AGBL1: variants seen among roughly 807,000 people sequenced by gnomAD.
AGBL1 encodes AGBL carboxypeptidase 1.
AGBL1 carries 130 observed loss-of-function variants against 118.9 expected under a neutral mutation model. The ratio of observed to expected loss-of-function variants is 1.09; its 90% CI spans 0.95 to 1.26. AGBL1 has a LOEUF of 1.26. Ranked by LOEUF, AGBL1 falls within the 50% of genes most tolerant of loss-of-function variation. The pLI is 0.00. For synonymous variants in AGBL1, 555 were observed against 478.9 expected (o/e 1.16, Z -2.08); for missense variants, 1,584 against 1,298.1 (o/e 1.22, Z -3.38).
At chr15:86,789,750 AG>A (rs1331539609) in intron 22 of AGBL1, among the ~76,000 whole-genome samples, 5 of 152,162 alleles carry the variant, frequency 3.3e-5, no homozygotes, top group Non-Finnish European at 7.4e-5. Flanking sequence ...TTGAAAGAGT[AG>A]GGGAATGTTC....
intron 22 of AGBL1, among the ~76,000 whole-genome samples, chr15:86,893,058 C>T (rs2080073186): frequency 6.6e-6 from 1 of 152,196 alleles, no homozygotes; most frequent in Non-Finnish European, 1.5e-5. Flanking sequence ...CTGCTAAATA[C>T]TGCCTCGGGG....
At chr15:86,394,887 C>T (rs528234443) in intron 17 of AGBL1, among the ~76,000 whole-genome samples, 1 of 152,152 alleles carries the variant, frequency 6.6e-6, no homozygotes, top group African/African-American at 2.4e-5. Flanking sequence ...CACATGGCCA[C>T]TCCTACCTAC....
At chr15:86,976,569 C>A (rs2081178387) in intron 23 of AGBL1, among the ~76,000 whole-genome samples, 1 of 151,924 alleles carries the variant, frequency 6.6e-6, no homozygotes, top group African/African-American at 2.4e-5. Context: ...CTAAATGTGG[C>A]ATTACTGAGT....
chr15:86,242,338 A>G (rs1337688303), intron 6 of AGBL1, among the ~76,000 whole-genome samples: 1 of 152,194 alleles, frequency 6.6e-6, no homozygotes, highest in East Asian at 1.9e-4. Flanking sequence ...TATTGTACCT[A>G]TTATGTACCA....
intron 6 of AGBL1, among the ~76,000 whole-genome samples, chr15:86,246,899 C>T (rs1294460204): frequency 7.6e-6 from 1 of 130,898 alleles, no homozygotes; most frequent in African/African-American, 2.8e-5. Context: ...AAATGACAAC[C>T]TCCGGGTCCA....
chr15:86,676,063 AT>A (rs1489806688), intron 22 of AGBL1, among the ~76,000 whole-genome samples: 2 of 152,024 alleles, frequency 1.3e-5, no homozygotes, highest in East Asian at 3.9e-4. Flanking sequence ...ACAATTATTC[AT>A]TTTTCAATTG....
intron 21 of AGBL1, among the ~76,000 whole-genome samples, chr15:86,614,140 C>T (rs1417246648): frequency 6.6e-6 from 1 of 152,218 alleles, no homozygotes; most frequent in Non-Finnish European, 1.5e-5. Context: ...CTATTACACT[C>T]TGCCAGGCAC....
At chr15:86,920,278 C>T (rs543898076), downstream of AGBL1, among the ~76,000 whole-genome samples, 25 of 152,314 alleles carry the variant, frequency 1.6e-4, no homozygotes, top group Non-Finnish European at 2.2e-4. Flanking sequence ...TCCTACAGTC[C>T]GCCTCCATTC....
intron 16 of AGBL1, among the ~76,000 whole-genome samples, chr15:86,289,686 C>T (rs561255742): frequency 3.9e-5 from 6 of 152,282 alleles, no homozygotes; most frequent in African/African-American, 1.4e-4. Flanking sequence ...TTGCATGCCT[C>T]TTACCTCCTT....
At chr15:86,306,181 T>A (rs539387676) in intron 17 of AGBL1, among the ~76,000 whole-genome samples, 1 of 152,236 alleles carries the variant, frequency 6.6e-6, no homozygotes, top group East Asian at 1.9e-4. Flanking sequence ...GTTACATTAT[T>A]TAAGTTATTT....
In AGBL1 at chr15:86,906,100, A is replaced by G. The variant is rs2347459; in HGVS notation, c.3159-987A>G. ...TGCTGATTACCCATTTTCATTGTTT[A>G]TGGCAAGGCAGGTGGATGAACAGCT... is the stretch of plus-strand genomic sequence containing the variant. On this transcript the variant is annotated intron_variant, in intron 22 of 22. Coordinates refer to ENST00000614907, the MANE Select transcript of AGBL1 (RefSeq NM_001386094.1). Among the ~76,000 whole-genome samples, 5 of 152,302 alleles carry G rather than the reference A, an allele frequency of 3.3e-5. No individual in the cohort carries two copies. In the East Asian group the frequency reaches 9.6e-4, roughly 29 times the overall value.
intron 22 of AGBL1, among the ~76,000 whole-genome samples, chr15:86,862,195 G>A (rs543460599): frequency 4.6e-5 from 7 of 152,266 alleles, no homozygotes; most frequent in Admixed American, 1.3e-4. Context: ...CTTGAGGAAT[G>A]TTACTTATAG....
chr15:86,599,097 G>A (rs948277933), intron 21 of AGBL1, among the ~76,000 whole-genome samples: 2 of 151,990 alleles, frequency 1.3e-5, no homozygotes, highest in East Asian at 1.9e-4. Context: ...TAATCCTGTC[G>A]GGAGAATAGT....
intron 21 of AGBL1, among the ~76,000 whole-genome samples, chr15:86,589,988 A>C (rs112942642): frequency 0.026 from 3,970 of 152,260 alleles, 176 homozygotes; most frequent in African/African-American, 0.091. Context: ...TTTTGCCCTC[A>C]GAGGGTTTGT....
rs191264481 is a variant in AGBL1, at chr15:86,393,292, C to T, written c.2375-4074C>T. ...ATTTGGCTTATTGATTAATGTACTG[C>T]GTTGTACTAGGTATATCAGGCAATG... On this transcript the variant is annotated intron_variant, in intron 17 of 22. Transcript: ENST00000614907. Among the ~76,000 whole-genome samples, 69 of 152,224 alleles carry T rather than the reference C, an allele frequency of 4.5e-4. No homozygotes were observed. In the Middle Eastern group the frequency reaches 0.01, roughly 23 times the overall value.
chr15:86,362,150 T>G (rs537720502), intron 17 of AGBL1, among the ~76,000 whole-genome samples: 1 of 152,176 alleles, frequency 6.6e-6, no homozygotes, highest in Admixed American at 6.5e-5. Flanking sequence ...TATAACACTA[T>G]TTTTAGCTGC....
At chr15:86,868,421 C>A (rs926351908) in intron 22 of AGBL1, among the ~76,000 whole-genome samples, 2 of 152,314 alleles carry the variant, frequency 1.3e-5, no homozygotes, top group African/African-American at 4.8e-5. Context: ...TCCTTTATGA[C>A]TTTTAGCACC....
downstream of AGBL1, among the ~76,000 whole-genome samples, chr15:86,917,864 C>T (rs2080443895): frequency 7.5e-6 from 1 of 132,628 alleles, no homozygotes; most frequent in Non-Finnish European, 1.5e-5. The surrounding 1 kb of genome is among the most constrained non-coding windows in gnomAD (Gnocchi z 4.8). Context: ...AGTCCTGACT[C>T]ATAAAAAAGT....
intron 6 of AGBL1, among the ~76,000 whole-genome samples, chr15:86,230,955 C>T (rs2078445746): frequency 6.6e-6 from 1 of 152,098 alleles, no homozygotes; most frequent in African/African-American, 2.4e-5. Context: ...ATCTTACCTC[C>T]CCCATCCCCC....
Sources: allele counts gnomAD v4.1 joint callset (sites outside exome capture counted in the v4.1 genomes callset), GRCh38; gene constraint gnomAD v4.1.1; non-coding constraint Gnocchi (gnomAD v3.1); transcripts MANE v1.5; gene names NCBI Gene and HGNC (gene_info 2026-07-23, HGNC 2026-07-21).